ZNF503: variants seen among roughly 807,000 people sequenced by gnomAD.
ZNF503 encodes the protein NocA-like zinc finger 2.
A neutral mutation model predicts 34.4 loss-of-function variants in ZNF503; 15 were observed. The ratio of observed to expected loss-of-function variants is 0.44; its 90% confidence interval spans 0.29 to 0.67. ZNF503 has a LOEUF of 0.67. Among genes scored for constraint, ZNF503 ranks in the 30% least tolerant of loss-of-function variants. The pLI, the probability that ZNF503 is intolerant of heterozygous loss-of-function variation, is 0.13. For synonymous variants in ZNF503, 580 were observed against 456.8 expected, an observed-to-expected ratio of 1.27 and a Z score of -3.44; for missense variants, 1,007 against 926.8, an observed-to-expected ratio of 1.09 and a Z score of -1.12.
chr10:75,394,257 T>C (rs1409471899), downstream of ZNF503, among the ~76,000 whole-genome samples: 1 of 152,252 alleles, frequency 6.6e-6, no homozygotes, highest in Non-Finnish European at 1.5e-5. Flanking sequence ...GTATTAAGTC[T>C]AGTAATGGGG....
chr10:75,292,419 G>A, the ZNF503 span, among the ~76,000 whole-genome samples: 1 of 152,166 alleles, frequency 6.6e-6, no homozygotes, highest in Non-Finnish European at 1.5e-5. Flanking sequence ...CTAACTCTAT[G>A]GACTGGAAAA....
chr10:75,356,897 G>T, the ZNF503 span, among the ~76,000 whole-genome samples: 1 of 152,186 alleles, frequency 6.6e-6, no homozygotes, highest in African/African-American at 2.4e-5. Context: ...CATTTCTCAA[G>T]GTGTAGGCGT....
At chr10:75,308,135 G>T in the ZNF503 span, among the ~76,000 whole-genome samples, 1 of 147,244 alleles carries the variant, frequency 6.8e-6, no homozygotes, top group Admixed American at 6.8e-5. Context: ...AATGACTTAT[G>T]TTAAATCTAC....
the ZNF503 span, among the ~76,000 whole-genome samples, chr10:75,339,706 A>G: frequency 6.6e-6 from 1 of 152,100 alleles, no homozygotes; most frequent in Non-Finnish European, 1.5e-5. Context: ...CCTGGGGGAA[A>G]AGTAGATTGG....
downstream of ZNF503, among the ~76,000 whole-genome samples, chr10:75,397,525 C>T (rs544232846): frequency 5.8e-4 from 89 of 152,356 alleles, no homozygotes; most frequent in African/African-American, 2.0e-3. Flanking sequence ...AACCCTGTCC[C>T]CCGCCCCACA....
chr10:75,389,353 C>A, the ZNF503 span, among the ~76,000 whole-genome samples: 40 of 152,176 alleles, frequency 2.6e-4, no homozygotes, highest in Admixed American at 2.0e-3. Context: ...TCCAAGTCCC[C>A]CTCTCCTCCC....
chr10:75,327,465 G>A, the ZNF503 span, among the ~76,000 whole-genome samples: 1 of 152,292 alleles, frequency 6.6e-6, no homozygotes, highest in South Asian at 2.1e-4. Flanking sequence ...ATTCCATTAT[G>A]TAGATGTAAC....
downstream of ZNF503, among the ~76,000 whole-genome samples, chr10:75,396,687 GGA>G (rs1219079454): frequency 1.3e-5 from 2 of 152,074 alleles, no homozygotes; most frequent in African/African-American, 4.8e-5. This position sits in a 1 kb window ranked among gnomAD's most constrained non-coding sequence, Gnocchi z 4.4. Flanking sequence ...CCCAGGGAGC[GGA>G]GAGTTTGGGG....
In ZNF503 at chr10:75,400,192, G is replaced by A. The variant is rs766844223; in HGVS notation, c.498C>T (p.Asp166=). 38 of 1,592,346 alleles carry A rather than the reference G, an allele frequency of 2.4e-5. No individual in the cohort carries two copies. The highest frequency in any genetic ancestry group is 7.3e-5 in the Admixed American group (4 of 54,790). ...DTKSGPLKLS[D]IGVEDKSSFK... ...AACTCGACTTGTCCTCCACGCCGAT[G>A]TCGCTCAGCTTCAGGGGGCCCGATT... The change falls in exon 2 of 2, where the codon GAC becomes GAT. Residue 166 remains aspartate, a synonymous_variant. Coordinates refer to ENST00000372524, the MANE Select transcript of ZNF503 (RefSeq NM_032772.6).
chr10:75,302,546 C>G, the ZNF503 span, among the ~76,000 whole-genome samples: 1 of 152,238 alleles, frequency 6.6e-6, no homozygotes, highest in Non-Finnish European at 1.5e-5. Context: ...CAGGCTCTGT[C>G]AGCCAGGGAT....
At chr10:75,378,861 C>A in the ZNF503 span, among the ~76,000 whole-genome samples, 2 of 151,920 alleles carry the variant, frequency 1.3e-5, no homozygotes, top group Non-Finnish European at 2.9e-5. Flanking sequence ...GCAATTTATT[C>A]TCTTTCTTCC....
Position 75,399,571 on chromosome 10 carries a change from C to G in ZNF503, c.1119G>C (p.Gln373His), listed in dbSNP as rs1266196299. 5.6e-6 allele frequency: 9 copies of G among 1,596,240 alleles called. No individual in the cohort carries two copies. In the African/African-American group the frequency reaches 9.3e-5, roughly 17 times the overall value. Residue 373 changes from glutamine to histidine, a missense_variant, in exon 2 of 2, where the codon CAG (glutamine) becomes CAC (histidine). By Grantham distance (24) the Gln-to-His change is conservative (BLOSUM62 0). Coordinates refer to ENST00000372524, the MANE Select transcript of ZNF503 (RefSeq NM_032772.6). ...LAGAYAGYPPQFLPHGVALDP... is the reference protein window; with the variant it reads ...LAGAYAGYPPHFLPHGVALDP... ...CAAGTGCCACGCCGTGTGGCAGGAA[C>G]TGGGGCGGGTAGCCGGCGTAGGCCC...
At chr10:75,370,641 T>C in the ZNF503 span, among the ~76,000 whole-genome samples, 1 of 151,780 alleles carries the variant, frequency 6.6e-6, no homozygotes, top group East Asian at 1.9e-4. Context: ...TAGCTAGGCA[T>C]GGTGGTGCAT....
At chr10:75,293,428 G>A in the ZNF503 span, among the ~76,000 whole-genome samples, 1 of 152,176 alleles carries the variant, frequency 6.6e-6, no homozygotes, top group African/African-American at 2.4e-5. Flanking sequence ...TGTGCCATGA[G>A]GAGGAGACGT....
At chr10:75,323,625 G>A in the ZNF503 span, among the ~76,000 whole-genome samples, 2 of 152,128 alleles carry the variant, frequency 1.3e-5, no homozygotes, top group Non-Finnish European at 2.9e-5. Flanking sequence ...GACTAATTGT[G>A]TTGAGCATCT....
the ZNF503 span, among the ~76,000 whole-genome samples, chr10:75,291,567 C>T: frequency 2.8e-4 from 42 of 152,130 alleles, no homozygotes; most frequent in African/African-American, 9.7e-4. Flanking sequence ...GCTGTGACTG[C>T]ACCACCACAT....
rs1375428696 is a variant in ZNF503, at chr10:75,399,758, C to T, written c.932G>A (p.Cys311Tyr). The T allele has an allele frequency of 1.3e-6, 2 of 1,592,918 alleles. No homozygotes were observed. The highest frequency in any genetic ancestry group is 2.2e-5 in the South Asian group (2 of 89,502). Residue 311 changes from cysteine (C) to tyrosine (Y), a missense_variant, in exon 2 of 2, where the codon TGC (cysteine) becomes TAC (tyrosine). Physicochemically the swap from Cys to Tyr is radical, Grantham distance 194. Transcript: ENST00000372524. ...GGAGCTGGAGCCCGATGAACCGCCG[C>T]AGTCCGAGCCCAGAGCCTTGCCTCC... ...GPGGKALGSD[C>Y]GGSSGSSSGS...
At chr10:75,331,081 G>C in the ZNF503 span, among the ~76,000 whole-genome samples, 28 of 152,254 alleles carry the variant, frequency 1.8e-4, 1 homozygote, top group East Asian at 5.0e-3. Context: ...GACCTATGTT[G>C]TTTAATTTTC....
the ZNF503 span, among the ~76,000 whole-genome samples, chr10:75,294,799 G>A: frequency 6.6e-6 from 1 of 152,110 alleles, no homozygotes; most frequent in Non-Finnish European, 1.5e-5. Flanking sequence ...GGGGAGGCCC[G>A]GGAGGGCGCG....
Sources: gnomAD v4.1 joint callset for allele counts (sites outside exome capture counted in the v4.1 genomes callset) on GRCh38, gnomAD v4.1.1 for gene constraint, Gnocchi (gnomAD v3.1) non-coding constraint, MANE v1.5 for transcripts, NCBI Gene and HGNC (gene_info 2026-07-23, HGNC 2026-07-21) for gene names.